Variants in SDHAF4 observed in about 807,000 individuals in gnomAD.
The protein encoded by SDHAF4 is succinate dehydrogenase assembly factor 4, mitochondrial.
In SDHAF4, 14 loss-of-function variants were observed where a neutral mutation model predicts 14.3. The ratio of observed to expected loss-of-function variants is 0.98; its 90% confidence interval spans 0.65 to 1.53. SDHAF4 has a LOEUF of 1.53. Among genes scored for constraint, SDHAF4 ranks in the 40% most tolerant of loss-of-function variants. The pLI is 0.00. For missense variants in SDHAF4, 141 were observed against 129.3 expected (o/e 1.09, Z -0.44); for synonymous variants, 63 against 47.3 (o/e 1.33, Z -1.36).
At chr6:70,572,649 GT>G (rs925290921) in intron 1 of SDHAF4, among the ~76,000 whole-genome samples, 14 of 147,590 alleles carry the variant, frequency 9.5e-5, no homozygotes, top group Non-Finnish European at 1.7e-4. Flanking sequence ...ATTTTCCGTG[GT>G]TTTTTTTTTA....
At chr6:70,584,771 C>A (rs1272348154) in intron 2 of SDHAF4, among the ~76,000 whole-genome samples, 1 of 151,876 alleles carries the variant, frequency 6.6e-6, no homozygotes, top group Non-Finnish European at 1.5e-5. Context: ...ATAATAAAGT[C>A]CAGTGGACAG....
intron 2 of SDHAF4, among the ~76,000 whole-genome samples, chr6:70,582,099 T>A (rs1203224257): frequency 6.6e-6 from 1 of 152,062 alleles, no homozygotes; most frequent in African/African-American, 2.4e-5. Flanking sequence ...TGAGGCAGAG[T>A]CTCACTCTGT....
chr6:70,589,924 A>G (rs1765243609), downstream of SDHAF4, among the ~76,000 whole-genome samples: 1 of 152,232 alleles, frequency 6.6e-6, no homozygotes, highest in African/African-American at 2.4e-5. Context: ...GACAAGTCAG[A>G]AAATAGGGAA....
chr6:70,595,349 G>A, the SDHAF4 span, among the ~76,000 whole-genome samples: 10 of 152,124 alleles, frequency 6.6e-5, no homozygotes, highest in African/African-American at 2.2e-4. Flanking sequence ...AAGATTGTAC[G>A]GAGACTCATT....
At chr6:70,567,876 G>A (rs544917475) in intron 1 of SDHAF4, among the ~76,000 whole-genome samples, 9 of 152,116 alleles carry the variant, frequency 5.9e-5, no homozygotes, top group East Asian at 1.9e-4. Context: ...TAGTAGAGAC[G>A]GGGTTTCACC....
In SDHAF4 at chr6:70,584,307, G is replaced by A. The variant is rs115242324; in HGVS notation, c.218-4308G>A. On this transcript the variant is annotated intron_variant, in intron 2 of 2. Transcript: ENST00000370474. The stretch of plus-strand genomic sequence containing the variant: ...TGGGGTTACAGGCATGAGCCACCAC[G>A]CCTGGCTAGTGAGTTTTAACAAATG... Among the ~76,000 whole-genome samples, 250 of 152,214 alleles carry A rather than the reference G, an allele frequency of 1.6e-3. 1 individual carries two copies. The highest frequency in any genetic ancestry group is 5.6e-3 in the African/African-American group (232 of 41,550).
At chr6:70,581,758 C>A (rs960600151) in intron 2 of SDHAF4, among the ~76,000 whole-genome samples, 1 of 152,152 alleles carries the variant, frequency 6.6e-6, no homozygotes, top group African/African-American at 2.4e-5. Flanking sequence ...CAGGCACATA[C>A]CACCATGCTC....
intron 1 of SDHAF4, among the ~76,000 whole-genome samples, chr6:70,572,058 C>CTTTTTTTTTTTTTTTTTTT (rs66688860): frequency 1.7e-4 from 9 of 53,510 alleles, no homozygotes; most frequent in East Asian, 6.1e-4. Flanking sequence ...CTTTTTTTGT[C>CTTTTTTTTTTTTTTTTTTT]TTTTTTTTTT....
chr6:70,570,644 C>T (rs1181662456), intron 1 of SDHAF4, among the ~76,000 whole-genome samples: 1 of 147,326 alleles, frequency 6.8e-6, no homozygotes, highest in Non-Finnish European at 1.5e-5. Context: ...TTTCTTTGCT[C>T]AGATTTCCAG....
chr6:70,567,797 TG>T (rs1198791351), intron 1 of SDHAF4: 1 of 152,260 alleles, frequency 6.6e-6, no homozygotes, highest in East Asian at 1.9e-4. Context: ...GCCATTCTCC[TG>T]CCTCAGCCTC....
At position 70,573,264 on chromosome 6, in the gene SDHAF4, C is replaced by CTT. The variant is rs202098262; in HGVS notation, c.65-6134_65-6133dup. On this transcript the variant is annotated intron_variant, in intron 1 of 2. Transcript: ENST00000370474. ...AATTGTATTTATTCTGCTATTTGGC[C>CTT]TTTTTTTTTTTTTTTTTGAGACGGA... Among the ~76,000 whole-genome samples the CTT allele has an allele frequency of 5.5e-3, 612 of 110,416 alleles. 14 individuals carry two copies. Among genetic ancestry groups the CTT allele is most frequent in the South Asian group, 0.032 (122 of 3,762 alleles). The allele number at this position is 110,416 out of a possible 152,430, so 72.4% of individuals were successfully genotyped here.
At chr6:70,585,196 G>T (rs183113381) in intron 2 of SDHAF4, among the ~76,000 whole-genome samples, 1 of 152,310 alleles carries the variant, frequency 6.6e-6, no homozygotes, top group East Asian at 1.9e-4. Flanking sequence ...ATTAGGTTTA[G>T]ATCATGAGAG....
intron 1 of SDHAF4, 36 bp downstream of exon 1, chr6:70,567,040 G>A: frequency 6.5e-7 from 1 of 1,545,858 alleles, no homozygotes; most frequent in Admixed American, 1.9e-5. Flanking sequence ...GTCGCGGGAG[G>A]GGTCGTGAAG....
the SDHAF4 span, among the ~76,000 whole-genome samples, chr6:70,595,767 C>T: frequency 2.1e-5 from 3 of 145,708 alleles, no homozygotes; most frequent in Non-Finnish European, 3.0e-5. Context: ...ACCCGGGAGG[C>T]GGAGGTTGCA....
At position 70,578,998 on chromosome 6, in the gene SDHAF4, A is replaced by G. The variant is rs1250792044; in HGVS notation, c.65-416A>G. ...GCCCAACTTGATGTATTCTTAAATT[A>G]GTTGACAGGAAAAGAGGACCTTGAT... is the stretch of plus-strand genomic sequence containing the variant. On this transcript the variant is annotated intron_variant, in intron 1 of 2. Transcript: ENST00000370474. Among the ~76,000 whole-genome samples the G allele has an allele frequency of 2.0e-5, 3 of 152,208 alleles. No individual in the cohort carries two copies. The East Asian group carries it at 5.8e-4, about 29-fold the overall frequency.
chr6:70,597,383 C>T, the SDHAF4 span, among the ~76,000 whole-genome samples: 1 of 149,566 alleles, frequency 6.7e-6, no homozygotes, highest in Non-Finnish European at 1.5e-5. Context: ...GTCTGACCTC[C>T]AGTGATCTGC....
At chr6:70,587,809 T>C (rs1765221399) in intron 2 of SDHAF4, among the ~76,000 whole-genome samples, 1 of 152,198 alleles carries the variant, frequency 6.6e-6, no homozygotes, top group South Asian at 2.1e-4. Context: ...GGATTCCTAC[T>C]ATGAACACAT....
intron 1 of SDHAF4, among the ~76,000 whole-genome samples, chr6:70,578,733 T>C (rs1260607948): frequency 6.6e-6 from 1 of 152,202 alleles, no homozygotes; most frequent in Non-Finnish European, 1.5e-5. Flanking sequence ...AAATCTTTAA[T>C]CCATCTCGAG....
rs1346562471 is a variant in SDHAF4 at position 70,577,531 on chromosome 6, C to T, written c.65-1883C>T. Among the ~76,000 whole-genome samples, 12 of 152,272 alleles carry T rather than the reference C, an allele frequency of 7.9e-5. No homozygotes were observed. The South Asian group carries it at 1.2e-3, about 16-fold the overall frequency. The stretch of plus-strand genomic sequence containing the variant: ...ACTAGAGAGAAAATGATGTCATTTA[C>T]GCATTGCAGACACCCAGTACATTTT... On this transcript the variant is annotated intron_variant, in intron 1 of 2. Transcript: ENST00000370474.
Sources: allele counts gnomAD v4.1 joint callset (sites outside exome capture counted in the v4.1 genomes callset), GRCh38; gene constraint gnomAD v4.1.1; transcripts MANE v1.5; gene names NCBI Gene and HGNC (gene_info 2026-07-23, HGNC 2026-07-21).